The following PPFIA2 variants were observed in gnomAD, a reference collection of about 807,000 sequenced individuals.
PPFIA2 encodes PPFI scaffold protein A2.
A neutral mutation model predicts 175.5 loss-of-function variants in PPFIA2; 46 were observed. The ratio of observed to expected loss-of-function variants is 0.26; its 90% CI spans 0.21 to 0.34. PPFIA2 has a LOEUF of 0.34. PPFIA2 is among the 10% of genes least tolerant of loss of function. The pLI, the probability that PPFIA2 is intolerant of heterozygous loss-of-function variation, is 1.00. For synonymous variants in PPFIA2, 568 were observed against 511.4 expected (o/e 1.11, Z -1.49); for missense variants, 1,179 against 1,506.1 (o/e 0.78, Z 3.60).
intron 21 of PPFIA2, among the ~76,000 whole-genome samples, chr12:81,336,878 G>A (rs1451886369): frequency 1.3e-5 from 2 of 152,062 alleles, no homozygotes; most frequent in Non-Finnish European, 2.9e-5. Flanking sequence ...TCCAGATCAA[G>A]ACATTAAAAT....
chr12:81,695,905 G>A (rs1212414812), intron 3 of PPFIA2, among the ~76,000 whole-genome samples: 1 of 152,066 alleles, frequency 6.6e-6, no homozygotes, highest in Admixed American at 6.6e-5. Flanking sequence ...ATAATTGTCT[G>A]AATAAGCAGT....
chr12:81,483,062 A>G (rs537670260), intron 4 of PPFIA2, among the ~76,000 whole-genome samples: 1 of 152,322 alleles, frequency 6.6e-6, no homozygotes, highest in Admixed American at 6.5e-5. Flanking sequence ...AGCTGTGCAT[A>G]TTAAAAAGTT....
At chr12:81,551,465 A>G (rs2153369462) in intron 4 of PPFIA2, among the ~76,000 whole-genome samples, 1 of 152,166 alleles carries the variant, frequency 6.6e-6, no homozygotes, top group African/African-American at 2.4e-5. Context: ...AATTTAAAAT[A>G]CAAATAAAAA....
intron 11 of PPFIA2, among the ~76,000 whole-genome samples, chr12:81,371,777 A>G (rs965943887): frequency 1.3e-5 from 2 of 151,826 alleles, no homozygotes; most frequent in African/African-American, 2.4e-5. Flanking sequence ...CTGGGAGCCC[A>G]AAGTAATCTT....
chr12:81,663,902 G>T (rs2069519170), intron 4 of PPFIA2, among the ~76,000 whole-genome samples: 1 of 152,164 alleles, frequency 6.6e-6, no homozygotes, highest in African/African-American at 2.4e-5. Flanking sequence ...ACAACCATCT[G>T]ATGTTTGACA....
rs1311832537 is a variant in PPFIA2, at chr12:81,561,146, T to C, written c.304-103280A>G. On this transcript the variant is annotated intron_variant, in intron 4 of 32. Transcript: ENST00000549396. ...CATTTAAGATAACAGCATCTATTTC[T>C]ATTGTAGTTTACATGAGAAGAAAGA... Among the ~76,000 whole-genome samples the C allele has an allele frequency of 2.6e-5, 4 of 152,166 alleles. No homozygotes were observed. In the East Asian group the frequency reaches 7.7e-4, roughly 29 times the overall value.
chr12:81,719,477 G>A (rs1254786591), intron 3 of PPFIA2, among the ~76,000 whole-genome samples: 1 of 151,430 alleles, frequency 6.6e-6, no homozygotes, highest in Non-Finnish European at 1.5e-5. Flanking sequence ...ACCCCTGACG[G>A]AGGAGATGTC....
chr12:81,368,013 T>C, intron 13 of PPFIA2: 2 of 921,014 alleles, frequency 2.2e-6, no homozygotes, highest in South Asian at 2.8e-5. Flanking sequence ...GTTTATTTTA[T>C]GTACTAATGG....
chr12:81,299,278 G>T (rs765885964), intron 23 of PPFIA2, 23 bp downstream of exon 23: 15 of 1,570,966 alleles, frequency 9.5e-6, no homozygotes, highest in South Asian at 3.5e-5. Context: ...TGATTCAAGG[G>T]CCTCCTAGTT....
At chr12:81,264,156 GCAA>G (rs2136174492) in intron 30 of PPFIA2, among the ~76,000 whole-genome samples, 1 of 152,210 alleles carries the variant, frequency 6.6e-6, no homozygotes, top group African/African-American at 2.4e-5. Flanking sequence ...CTATCAGGAA[GCAA>G]CATCATACCC....
At chr12:81,550,074 C>T (rs1195248197) in intron 4 of PPFIA2, among the ~76,000 whole-genome samples, 1 of 151,892 alleles carries the variant, frequency 6.6e-6, no homozygotes, top group Non-Finnish European at 1.5e-5. Flanking sequence ...TGTCTTTAAT[C>T]TCAAATAAAT....
intron 4 of PPFIA2, among the ~76,000 whole-genome samples, chr12:81,563,185 C>G (rs144338128): frequency 1.3e-5 from 2 of 152,178 alleles, no homozygotes; most frequent in African/African-American, 4.8e-5. Flanking sequence ...TATGTCATTG[C>G]TTCTGTCTTT....
intron 4 of PPFIA2, among the ~76,000 whole-genome samples, chr12:81,624,389 T>C (rs1437660663): frequency 6.7e-6 from 1 of 148,244 alleles, no homozygotes; most frequent in Non-Finnish European, 1.5e-5. Flanking sequence ...AAAATATATA[T>C]ACTGATTTTA....
intron 4 of PPFIA2, among the ~76,000 whole-genome samples, chr12:81,547,716 C>A (rs751635612): frequency 2.1e-4 from 32 of 152,134 alleles, no homozygotes; most frequent in Admixed American, 7.2e-4. Context: ...AATCTGTTGA[C>A]ACTCTATAAA....
chr12:81,389,144 T>TAC lies in PPFIA2; in HGVS notation c.763-4902_763-4901dup, dbSNP rs756564805. ...AATATTTTATATATATATATATATATACACACACACATATATGTATTCAGT... is the reference window on the plus strand; with the variant it reads ...AATATTTTATATATATATATATATATACACACACACACATATATGTATTCAGT... On this transcript the variant is annotated intron_variant, in intron 8 of 32. Transcript: ENST00000549396. Among the ~76,000 whole-genome samples, 625 of 140,782 alleles carry TAC rather than the reference T, an allele frequency of 4.4e-3. 5 individuals carry two copies. Among genetic ancestry groups the TAC allele is most frequent in the Middle Eastern group, 0.03 (8 of 264 alleles). 92.4% of individuals were successfully genotyped at this position (140,782 alleles called of 152,430 possible).
chr12:81,714,250 GA>G (rs1176237906), intron 3 of PPFIA2, among the ~76,000 whole-genome samples: 2 of 150,974 alleles, frequency 1.3e-5, no homozygotes, highest in Non-Finnish European at 3.0e-5. Flanking sequence ...TCTATGTATT[GA>G]AGGTAGAGCA....
At position 81,306,500 on chromosome 12, in the gene PPFIA2, C is replaced by G. The variant is rs548394684; in HGVS notation, c.2643-7118G>C. 2.9e-5 allele frequency among the ~76,000 whole-genome samples: 4 copies of G among 137,040 alleles called. No homozygotes were observed. The South Asian group carries it at 9.5e-4, about 32-fold the overall frequency. 89.9% of individuals were successfully genotyped at this position (137,040 alleles called of 152,430 possible). A position where few individuals can be genotyped will look rare whatever the true frequency, so the allele number is the denominator to read the frequency against. ...GGCAATGGTCAATAAATGTGAGCTT[C>G]TTTCTTACTGTTTTTTGTTTGTTTG... On this transcript the variant is annotated intron_variant, in intron 22 of 32. Transcript: ENST00000549396.
At chr12:81,536,665 G>T (rs1235003076) in intron 4 of PPFIA2, among the ~76,000 whole-genome samples, 3 of 146,156 alleles carry the variant, frequency 2.1e-5, no homozygotes, top group Non-Finnish European at 4.5e-5. Flanking sequence ...TGAGTTTATT[G>T]CAGATTATTC....
chr12:81,281,361 C>G lies in PPFIA2; in HGVS notation c.3108G>C (p.Gln1036His), dbSNP rs1187280674. ...AGCATTCCATAAAGTAACTTCTGTA[C>G]TGAGGTAACCCCAAGCTGGGAAGCC... ...NEWLPSLGLP[Q>H]YRSYFMECLV... Residue 1036 changes from glutamine to histidine, a missense_variant, in exon 27 of 33, where the codon CAG becomes CAC. This residue lies in a region of PPFIA2 where 245 missense variants were observed against 375.1 expected (regional missense o/e 0.65). Coordinates refer to ENST00000549396, the MANE Select transcript of PPFIA2 (RefSeq NM_003625.5). 1 of 1,610,334 alleles carries G rather than the reference C, an allele frequency of 6.2e-7. No individual in the cohort carries two copies. Among genetic ancestry groups the G allele is most frequent in the Non-Finnish European group, 8.5e-7 (1 of 1,176,998 alleles).
Sources: gnomAD v4.1 joint callset for allele counts (sites outside exome capture counted in the v4.1 genomes callset) on GRCh38, gnomAD v4.1.1 for gene constraint, gnomAD v4.1.1 regional missense constraint, MANE v1.5 for transcripts, NCBI Gene and HGNC (gene_info 2026-07-23, HGNC 2026-07-21) for gene names.